PUM1: variants seen among roughly 807,000 people sequenced by gnomAD.
PUM1 encodes the protein pumilio homolog 1.
A neutral mutation model predicts 131.8 loss-of-function variants in PUM1; 13 were observed. That is an observed-to-expected ratio of 0.10 (90% CI 0.06 to 0.16). The LOEUF (loss-of-function observed/expected upper bound fraction) is 0.16, where lower values mean the gene tolerates loss of function less well. Ranked by LOEUF, PUM1 falls within the 10% of genes least tolerant of loss-of-function variation. The probability of loss-of-function intolerance (pLI) is 1.00; values close to 1 mark genes in which losing one functional copy is unlikely to be tolerated. For missense variants in PUM1, 961 were observed against 1,512.4 expected (o/e 0.64, Z 6.05); for synonymous variants, 509 against 556.5 (o/e 0.91, Z 1.20).
intron 14 of PUM1, among the ~76,000 whole-genome samples, chr1:30,955,512 CTTATT>C (rs1423444252): frequency 6.6e-6 from 1 of 151,108 alleles, no homozygotes; most frequent in African/African-American, 2.4e-5. Context: ...AAAAACAGTT[CTTATT>C]TTATTTCATT....
chr1:31,014,187 T>G (rs1291562151), intron 3 of PUM1, among the ~76,000 whole-genome samples: 1 of 151,650 alleles, frequency 6.6e-6, no homozygotes, highest in Middle Eastern at 3.2e-3. Flanking sequence ...GTCCTAGCTA[T>G]TCAGGAGGCT....
chr1:30,969,137 C>T (rs1034471304), intron 10 of PUM1, among the ~76,000 whole-genome samples: 7 of 151,914 alleles, frequency 4.6e-5, no homozygotes, highest in African/African-American at 1.7e-4. Flanking sequence ...AACCCCGTCT[C>T]TACTAAAACT....
intron 2 of PUM1, among the ~76,000 whole-genome samples, chr1:31,039,000 T>TTTTTC (rs1643730416): frequency 1.3e-5 from 1 of 74,106 alleles, no homozygotes; most frequent in African/African-American, 5.8e-5. Flanking sequence ...TTTTTTTTTT[T>TTTTTC]CCTTTTCTCT....
chr1:30,948,895 T>C (rs1459136183), intron 17 of PUM1, among the ~76,000 whole-genome samples: 1 of 152,246 alleles, frequency 6.6e-6, no homozygotes, highest in East Asian at 1.9e-4. Context: ...TACTTATACT[T>C]TCTTATTAAT....
intron 11 of PUM1, 175 bp downstream of exon 11, chr1:30,968,179 T>C (rs375871818): frequency 2.3e-6 from 2 of 864,330 alleles, no homozygotes; most frequent in South Asian, 2.6e-5. Flanking sequence ...CTCAGAACAA[T>C]GCTCTCATCA....
intron 10 of PUM1, among the ~76,000 whole-genome samples, chr1:30,972,828 A>C (rs979573911): frequency 2.1e-5 from 3 of 145,414 alleles, no homozygotes; most frequent in Non-Finnish European, 4.6e-5. Context: ...GCCTACAATC[A>C]CAGCACTTTG....
Position 30,933,541 on chromosome 1 carries a change from G to A in PUM1, c.3436-199C>T, listed in dbSNP as rs78303971. Among the ~76,000 whole-genome samples, 1,270 of 150,280 alleles carry A rather than the reference G, an allele frequency of 8.5e-3. 7 individuals are homozygous for A. Among genetic ancestry groups the A allele is most frequent in the Middle Eastern group, 0.031 (9 of 290 alleles). ...CCAGTCCCCTGACTTCTAGCACTTT[G>A]GCAACCCATCAGATGAGGAGAGGAG... On this transcript the variant is annotated intron_variant, in intron 21 of 21. Transcript: ENST00000426105.
intron 14 of PUM1, among the ~76,000 whole-genome samples, chr1:30,960,804 C>A (rs1009784604): frequency 1.3e-5 from 2 of 152,064 alleles, no homozygotes; most frequent in African/African-American, 4.8e-5. Flanking sequence ...CAAAATGGAT[C>A]ACAGACTTAT....
chr1:30,933,445 C>CAT (rs1444162053), intron 21 of PUM1, 103 bp from the exon 22 acceptor site: 3 of 485,280 alleles, frequency 6.2e-6, no homozygotes, highest in Non-Finnish European at 1.1e-5. Context: ...CACATACACA[C>CAT]ACACACACAC....
At chr1:30,940,337 G>A (rs534126890) in intron 20 of PUM1, among the ~76,000 whole-genome samples, 3 of 152,240 alleles carry the variant, frequency 2.0e-5, no homozygotes, top group South Asian at 4.1e-4. Flanking sequence ...GTAGCTGGGC[G>A]TGGTGGCGTG....
At chr1:31,011,048 C>T (rs995925498) in intron 3 of PUM1, among the ~76,000 whole-genome samples, 1 of 152,122 alleles carries the variant, frequency 6.6e-6, no homozygotes, top group African/African-American at 2.4e-5. Flanking sequence ...GTCCCAGCTA[C>T]TCAGGAGGCT....
chr1:30,947,193 T>C (rs1639712168), intron 17 of PUM1, among the ~76,000 whole-genome samples: 1 of 152,234 alleles, frequency 6.6e-6, no homozygotes, highest in African/African-American at 2.4e-5. Flanking sequence ...CTGAACTGTA[T>C]GGTAAACCAC....
chr1:31,018,433 A>T (rs1642901834), intron 3 of PUM1, among the ~76,000 whole-genome samples: 1 of 152,144 alleles, frequency 6.6e-6, no homozygotes, highest in Non-Finnish European at 1.5e-5. Context: ...AGGCCGATGG[A>T]TCACCTGAGG....
At chr1:31,047,869 G>A (rs1363271550) in intron 2 of PUM1, among the ~76,000 whole-genome samples, 2 of 152,174 alleles carry the variant, frequency 1.3e-5, no homozygotes, top group African/African-American at 2.4e-5. Flanking sequence ...TTGAACCCAG[G>A]AGGTGGAGAT....
chr1:31,027,277 A>G (rs1643258832), intron 3 of PUM1, among the ~76,000 whole-genome samples: 2 of 152,214 alleles, frequency 1.3e-5, no homozygotes, highest in African/African-American at 4.8e-5. Flanking sequence ...CTCTATTTTT[A>G]TAAAAAATTC....
chr1:30,937,627 A>G (rs1436118760), intron 20 of PUM1, among the ~76,000 whole-genome samples: 1 of 152,080 alleles, frequency 6.6e-6, no homozygotes, highest in Non-Finnish European at 1.5e-5. Context: ...AATTTTAGAA[A>G]AGGAAAATAT....
Position 30,932,047 on chromosome 1 carries a change from A to C in PUM1, c.*1164T>G, listed in dbSNP as rs920485426. 6 of 152,678 alleles carry C rather than the reference A, an allele frequency of 3.9e-5. No homozygotes were observed. The highest frequency in any genetic ancestry group is 7.3e-5 in the Non-Finnish European group (5 of 68,044). 9.5% of individuals were successfully genotyped at this position (152,678 alleles called of 1,614,324 possible). On this transcript the variant is annotated 3_prime_UTR_variant, in exon 22 of 22. Transcript: ENST00000426105. ...TTTAAACATTAACTAGGCTGTATAA[A>C]GAACATTTATTCCTTCAAAAGAAAA...
intron 11 of PUM1, 95 bp from the exon 12 acceptor site, chr1:30,967,405 G>A: frequency 1.5e-6 from 2 of 1,334,586 alleles, no homozygotes; most frequent in Admixed American, 2.0e-5. Flanking sequence ...ACTCAGCTTT[G>A]AGGTTGAATT....
At chr1:31,050,938 G>A in intron 2 of PUM1, 1 of 225,020 alleles carries the variant, frequency 4.4e-6, no homozygotes, top group Non-Finnish European at 9.5e-6. Flanking sequence ...CTCTTGTTGC[G>A]TATGCTCAGA....
Sources: allele counts gnomAD v4.1 joint callset (sites outside exome capture counted in the v4.1 genomes callset), GRCh38; gene constraint gnomAD v4.1.1; transcripts MANE v1.5; gene names NCBI Gene and HGNC (gene_info 2026-07-23, HGNC 2026-07-21).